Variants in TCERG1L observed in about 807,000 individuals in gnomAD.
TCERG1L encodes the protein transcription elongation regulator 1 like.
In TCERG1L, 37 loss-of-function variants were observed where a neutral mutation model predicts 56.3. That is an observed-to-expected ratio of 0.66 (90% CI 0.51 to 0.87). The LOEUF is 0.87. TCERG1L is among the 40% of genes least tolerant of loss of function. The pLI is 0.00. For synonymous variants in TCERG1L, 324 were observed against 326.3 expected, an observed-to-expected ratio of 0.99 and a Z score of 0.08; for missense variants, 799 against 774.2, an observed-to-expected ratio of 1.03 and a Z score of -0.38.
At chr10:131,287,189 T>G (rs1846554969) in intron 3 of TCERG1L, among the ~76,000 whole-genome samples, 1 of 152,188 alleles carries the variant, frequency 6.6e-6, no homozygotes, top group South Asian at 2.1e-4. Context: ...GACGGGAAAC[T>G]TCCAGTAAGA....
Position 131,311,590 on chromosome 10 carries a change from G to C in TCERG1L, c.46C>G (p.Gln16Glu). The C allele has an allele frequency of 8.7e-7, 1 of 1,153,600 alleles. No individual in the cohort carries two copies. Among genetic ancestry groups the C allele is most frequent in the Non-Finnish European group, 1.1e-6 (1 of 938,548 alleles). 71.5% of individuals were successfully genotyped at this position (1,153,600 alleles called of 1,614,324 possible). A position where few individuals can be genotyped will look rare whatever the true frequency, so the allele number is the denominator to read the frequency against. ...GGCTGCCGCCGCCGGGGCTGCTGCT[G>C]CTGCAGCTGCCGCCGCCGCCGCTGG... The part of the protein sequence containing the change: ...RFQRRRRQLQ[Q>E]QQPRRRQPLL... Residue 16 changes from glutamine (Q) to glutamate (E), a missense_variant, in exon 1 of 12, where the codon CAG becomes GAG. By Grantham distance (29) the Gln-to-Glu change is conservative. Transcript: ENST00000368642. This position sits in a 1 kb window ranked among gnomAD's most constrained non-coding sequence, Gnocchi z 4.0.
intron 8 of TCERG1L, among the ~76,000 whole-genome samples, chr10:131,128,568 C>T (rs941586104): frequency 3.9e-5 from 6 of 152,052 alleles, no homozygotes; most frequent in African/African-American, 1.2e-4. Context: ...GGTCACCTTT[C>T]GAGGATACTG....
intron 6 of TCERG1L, among the ~76,000 whole-genome samples, chr10:131,149,082 G>A (rs1845835439): frequency 1.3e-5 from 2 of 152,248 alleles, no homozygotes; most frequent in Admixed American, 1.3e-4. Flanking sequence ...CCCTGAGAAG[G>A]TCGCCTCCCC....
intron 4 of TCERG1L, among the ~76,000 whole-genome samples, chr10:131,229,335 A>T (rs1311417800): frequency 6.6e-6 from 1 of 152,248 alleles, no homozygotes; most frequent in Non-Finnish European, 1.5e-5. Flanking sequence ...AATTCCACTC[A>T]GACTTTTTAG....
At chr10:131,133,513 A>G (rs7905619) in intron 8 of TCERG1L, among the ~76,000 whole-genome samples, 50,934 of 151,692 alleles carry the variant, frequency 0.34, 9,110 homozygotes, top group South Asian at 0.44. Flanking sequence ...GCATCATGGG[A>G]CCAATAACAG....
chr10:131,168,227 C>T (rs1042042639), intron 4 of TCERG1L, among the ~76,000 whole-genome samples: 3 of 152,196 alleles, frequency 2.0e-5, no homozygotes, highest in South Asian at 4.1e-4. Context: ...TCAAGCTACA[C>T]GTCTGTGCTT....
chr10:131,244,450 T>G (rs1273583395), intron 4 of TCERG1L, among the ~76,000 whole-genome samples: 1 of 150,322 alleles, frequency 6.7e-6, no homozygotes, highest in Non-Finnish European at 1.5e-5. Context: ...GCTTTGGGAG[T>G]AGGTGGGGAG....
chr10:131,140,919 C>A (rs1163295251), intron 7 of TCERG1L, among the ~76,000 whole-genome samples: 1 of 152,180 alleles, frequency 6.6e-6, no homozygotes, highest in African/African-American at 2.4e-5. Context: ...TGATCCACCC[C>A]ACTCCACCAA....
chr10:131,196,049 T>C (rs1164132984), intron 4 of TCERG1L, among the ~76,000 whole-genome samples: 3 of 152,118 alleles, frequency 2.0e-5, no homozygotes, highest in African/African-American at 7.2e-5. Flanking sequence ...CAGCAGTGAG[T>C]ACCCCCATTG....
Position 131,109,534 on chromosome 10 carries a change from C to A in TCERG1L, c.1396-5180G>T, listed in dbSNP as rs150651100. Among the ~76,000 whole-genome samples the A allele has an allele frequency of 5.9e-3, 904 of 152,302 alleles. 12 individuals are homozygous for A. The highest frequency in any genetic ancestry group is 0.021 in the African/African-American group (862 of 41,558). The stretch of plus-strand genomic sequence containing the variant: ...CGCTGGAGCCGCCTCAGTGGGAGAA[C>A]AACAGGGTCTTGTTCTGTCCCCCCG... On this transcript the variant is annotated intron_variant, in intron 9 of 11. Coordinates refer to ENST00000368642, the MANE Select transcript of TCERG1L (RefSeq NM_174937.4).
chr10:131,114,891 G>A (rs1481729540), intron 9 of TCERG1L, among the ~76,000 whole-genome samples: 44 of 152,326 alleles, frequency 2.9e-4, no homozygotes, highest in Non-Finnish European at 1.5e-5. Context: ...TCTCCTGCCC[G>A]ATAATCCAAC....
chr10:131,298,990 TTC>T (rs1433868681), intron 3 of TCERG1L, among the ~76,000 whole-genome samples: 1 of 152,208 alleles, frequency 6.6e-6, no homozygotes, highest in Admixed American at 6.5e-5. Flanking sequence ...TTCTATCAGT[TTC>T]TGTGTTTTCA....
chr10:131,129,765 C>A (rs752391855), intron 8 of TCERG1L, among the ~76,000 whole-genome samples: 50 of 152,162 alleles, frequency 3.3e-4, no homozygotes, highest in Non-Finnish European at 6.3e-4. Flanking sequence ...AAAGAACTAC[C>A]TGAGATTGGG....
chr10:131,125,352 G>C lies in TCERG1L; in HGVS notation c.1260-8418C>G, dbSNP rs1216160685. On this transcript the variant is annotated intron_variant, in intron 8 of 11. Transcript: ENST00000368642. ...CATTATTATTATTTTTTGTTTTACAGATGGGAAGAAACTGTTCTTTCTTCC... is the reference window on the plus strand; with the variant it reads ...CATTATTATTATTTTTTGTTTTACACATGGGAAGAAACTGTTCTTTCTTCC... Among the ~76,000 whole-genome samples, 6 of 152,190 alleles carry C rather than the reference G, an allele frequency of 3.9e-5. No individual in the cohort carries two copies. In the East Asian group the frequency reaches 1.2e-3, roughly 29 times the overall value.
At chr10:131,164,523 T>C (rs1054972171) in intron 5 of TCERG1L, among the ~76,000 whole-genome samples, 5 of 152,220 alleles carry the variant, frequency 3.3e-5, no homozygotes, top group African/African-American at 9.6e-5. Flanking sequence ...TAAATTCACA[T>C]GAAGTAGCAT....
intron 4 of TCERG1L, among the ~76,000 whole-genome samples, chr10:131,238,675 C>G (rs1845940136): frequency 6.6e-6 from 1 of 152,218 alleles, no homozygotes; most frequent in Admixed American, 6.5e-5. Flanking sequence ...CCATGTGCAG[C>G]CCTGGCAAAG....
chr10:131,244,693 T>C (rs999338200), intron 4 of TCERG1L, among the ~76,000 whole-genome samples: 1 of 152,018 alleles, frequency 6.6e-6, no homozygotes, highest in South Asian at 2.1e-4. Flanking sequence ...GGATGGCCAA[T>C]TGGGGAGGGC....
intron 4 of TCERG1L, among the ~76,000 whole-genome samples, chr10:131,244,861 C>T (rs924012502): frequency 2.0e-5 from 3 of 152,192 alleles, no homozygotes; most frequent in African/African-American, 4.8e-5. Flanking sequence ...CTCCATGCCA[C>T]CACCCCCTAG....
chr10:131,185,985 G>A (rs1293163545), intron 4 of TCERG1L, among the ~76,000 whole-genome samples: 2 of 152,214 alleles, frequency 1.3e-5, no homozygotes, highest in African/African-American at 2.4e-5. Flanking sequence ...GGGTGAATAA[G>A]CACCAAGTAG....
Sources: gnomAD v4.1 joint callset for allele counts (sites outside exome capture counted in the v4.1 genomes callset) on GRCh38, gnomAD v4.1.1 for gene constraint, Gnocchi (gnomAD v3.1) non-coding constraint, MANE v1.5 for transcripts, NCBI Gene and HGNC (gene_info 2026-07-23, HGNC 2026-07-21) for gene names.